The following ARAP2 variants were observed in gnomAD, a reference collection of about 807,000 sequenced individuals.
The protein encoded by ARAP2 is arf-GAP with Rho-GAP domain, ANK repeat and PH domain-containing protein 2.
A neutral mutation model predicts 194.5 loss-of-function variants in ARAP2; 148 were observed. The observed-to-expected ratio is 0.76, with a 90% CI of 0.67 to 0.87. The LOEUF is 0.87. Ranked by LOEUF, ARAP2 falls within the 40% of genes least tolerant of loss-of-function variation. The probability of loss-of-function intolerance (pLI) is 0.00; values close to 1 mark genes in which losing one functional copy is unlikely to be tolerated. For synonymous variants in ARAP2, 695 were observed against 683.5 expected (o/e 1.02, Z -0.26); for missense variants, 2,128 against 1,989.7 (o/e 1.07, Z -1.32).
intron 22 of ARAP2, among the ~76,000 whole-genome samples, chr4:36,122,131 G>A (rs1577967100): frequency 6.6e-6 from 1 of 151,658 alleles, no homozygotes; most frequent in East Asian, 1.9e-4. Flanking sequence ...ATGCTAGAGG[G>A]GTTATGGGGA....
At chr4:36,147,812 G>T in intron 17 of ARAP2, 66 bp from the exon 18 acceptor site, 1 of 1,265,500 alleles carries the variant, frequency 7.9e-7, no homozygotes, top group Non-Finnish European at 1.1e-6. Context: ...CCTATCTACT[G>T]ATATGAGAGA....
rs1262842657 is a variant in ARAP2 at position 36,229,123 on chromosome 4, T to G, written c.364A>C (p.Thr122Pro). The G allele has an allele frequency of 3.7e-6, 6 of 1,614,058 alleles. No individual in the cohort carries two copies. Among genetic ancestry groups the G allele is most frequent in the Admixed American group, 3.3e-5 (2 of 59,980 alleles). ...CTGTCTTCAAGATTTTTTCTAACAG[T>G]CTCCAACTGCGGTGGGCTAGATGTC... is the stretch of plus-strand genomic sequence containing the variant. ...VQTSSPPQLETVRKNLEDSDA... is the reference protein window; with the variant it reads ...VQTSSPPQLEPVRKNLEDSDA... The change falls in exon 2 of 33, where the codon ACT becomes CCT. Residue 122 changes from threonine to proline, a missense_variant. Physicochemically the swap from Thr to Pro is conservative, Grantham distance 38 (BLOSUM62 -1). Transcript: ENST00000303965.
At chr4:36,052,219 G>A (rs1482444698) in intron 2 of ARAP2, among the ~76,000 whole-genome samples, 12 of 152,176 alleles carry the variant, frequency 7.9e-5, no homozygotes, top group Non-Finnish European at 1.8e-4. Flanking sequence ...ATTTGAATAG[G>A]AATATAAAAG....
At chr4:36,153,694 C>T (rs1360595210) in intron 15 of ARAP2, among the ~76,000 whole-genome samples, 8 of 152,152 alleles carry the variant, frequency 5.3e-5, no homozygotes, top group African/African-American at 1.2e-4. Context: ...GAATGATATG[C>T]GTAATATAGT....
At chr4:36,017,905 TA>T (rs1394793731) in intron 6 of ARAP2, among the ~76,000 whole-genome samples, 1 of 152,044 alleles carries the variant, frequency 6.6e-6, no homozygotes, top group Non-Finnish European at 1.5e-5. Context: ...AATAATAAGA[TA>T]TTTGGGGGTA....
At chr4:36,218,958 A>G (rs904611754) in intron 2 of ARAP2, among the ~76,000 whole-genome samples, 1 of 152,240 alleles carries the variant, frequency 6.6e-6, no homozygotes, top group Non-Finnish European at 1.5e-5. Context: ...AAATGTAGCA[A>G]AAGGTCAATA....
At chr4:36,122,669 C>T (rs180831962) in intron 22 of ARAP2, among the ~76,000 whole-genome samples, 123 of 151,498 alleles carry the variant, frequency 8.1e-4, no homozygotes, top group African/African-American at 2.9e-3. Context: ...GCTTAATACC[C>T]GGATGAGGAA....
chr4:36,070,288 A>C (rs1223143501), intron 32 of ARAP2, among the ~76,000 whole-genome samples: 3 of 152,322 alleles, frequency 2.0e-5, no homozygotes, highest in Middle Eastern at 3.4e-3. Flanking sequence ...CTTGAATGCT[A>C]TGAAGAAAGA....
At chr4:36,044,742 T>G (rs1371317808) in intron 5 of ARAP2, among the ~76,000 whole-genome samples, 1 of 151,860 alleles carries the variant, frequency 6.6e-6, no homozygotes, top group Non-Finnish European at 1.5e-5. Context: ...AAGTAAACAA[T>G]TAACAGGATG....
chr4:36,072,693 A>AC (rs527421106), intron 32 of ARAP2, among the ~76,000 whole-genome samples: 14 of 151,622 alleles, frequency 9.2e-5, no homozygotes, highest in Admixed American at 5.9e-4. Flanking sequence ...AAAAAAACAA[A>AC]AAAAAAAACT....
At position 36,082,158 on chromosome 4, in the gene ARAP2, C is replaced by A. The variant is rs16991902; in HGVS notation, c.4544+93G>T. The A allele has an allele frequency of 6.4e-3, 7,632 of 1,190,086 alleles. 275 individuals carry two copies. The African/African-American group carries it at 0.091, about 14-fold the overall frequency. The allele number at this position is 1,190,086 out of a possible 1,614,324, so 73.7% of individuals were successfully genotyped here. A position where few individuals can be genotyped will look rare whatever the true frequency, so the allele number is the denominator to read the frequency against. ...AATTTCACTTAGGCAAAACACTTTC[C>A]GTCTGTAGTTCTATCTGCAATTACT... On this transcript the variant is annotated intron_variant, in intron 30 of 32. Transcript: ENST00000303965.
intron 31 of ARAP2, among the ~76,000 whole-genome samples, chr4:36,075,169 G>T (rs1727979557): frequency 6.6e-6 from 1 of 152,110 alleles, no homozygotes. Flanking sequence ...AGGCAATTTT[G>T]TGAATTACCC....
chr4:36,079,167 C>T (rs1219225020), intron 31 of ARAP2, among the ~76,000 whole-genome samples: 1 of 82,548 alleles, frequency 1.2e-5, no homozygotes, highest in African/African-American at 4.7e-5. Context: ...GAGCAAGACT[C>T]TGTCTCAAAA....
At chr4:36,173,005 G>A (rs1333551547) in intron 9 of ARAP2, among the ~76,000 whole-genome samples, 1 of 152,238 alleles carries the variant, frequency 6.6e-6, no homozygotes. Context: ...TGTTGGGGGG[G>A]AATGAGGGAG....
intron 3 of ARAP2, among the ~76,000 whole-genome samples, chr4:36,051,072 ATAT>A (rs369324895): frequency 1.3e-3 from 191 of 152,356 alleles, no homozygotes; most frequent in African/African-American, 4.3e-3. Context: ...TCATGAATTA[ATAT>A]TATAAGACAT....
At chr4:36,195,448 CATTTT>C (rs758688359) in intron 6 of ARAP2, among the ~76,000 whole-genome samples, 17 of 152,310 alleles carry the variant, frequency 1.1e-4, no homozygotes, top group African/African-American at 3.6e-4. Flanking sequence ...TTGCTCATTT[CATTTT>C]ATCTCTTCCA....
At chr4:36,161,140 CACACAA>C (rs1472660412) in intron 12 of ARAP2, among the ~76,000 whole-genome samples, 8 of 96,762 alleles carry the variant, frequency 8.3e-5, no homozygotes, top group African/African-American at 1.1e-4. Context: ...AAAACACACA[CACACAA>C]ACACACACAC....
At chr4:36,185,676 T>C (rs1740368852) in intron 8 of ARAP2, among the ~76,000 whole-genome samples, 1 of 151,922 alleles carries the variant, frequency 6.6e-6, no homozygotes, top group Admixed American at 6.6e-5. Context: ...CTCTTATCTG[T>C]AAAAATAGGA....
chr4:36,193,778 A>G, intron 6 of ARAP2, 131 bp from the exon 7 acceptor site: 1 of 649,004 alleles, frequency 1.5e-6, no homozygotes, highest in Non-Finnish European at 2.4e-6. Flanking sequence ...ATAGGCTATG[A>G]TAATACACAG....
Sources: gnomAD v4.1 joint callset for allele counts (sites outside exome capture counted in the v4.1 genomes callset) on GRCh38, gnomAD v4.1.1 for gene constraint, MANE v1.5 for transcripts, NCBI Gene and HGNC (gene_info 2026-07-23, HGNC 2026-07-21) for gene names.